Variants in CFAP54 observed in about 807,000 individuals in gnomAD.
CFAP54 encodes cilia- and flagella-associated protein 54.
Under a neutral mutation model 370.4 loss-of-function variants are expected in CFAP54, and 290 were observed. The observed-to-expected ratio is 0.78, with a 90% CI of 0.71 to 0.86. The LOEUF (loss-of-function observed/expected upper bound fraction) is 0.86. Among genes scored for constraint, CFAP54 ranks in the 40% least tolerant of loss-of-function variants. The pLI is 0.00. For synonymous variants in CFAP54, 1,206 were observed against 1,236.5 expected, an observed-to-expected ratio of 0.98 and a Z score of 0.52; for missense variants, 3,399 against 3,528.7, an observed-to-expected ratio of 0.96 and a Z score of 0.93.
At chr12:96,758,865 G>A (rs138212076) in intron 58 of CFAP54, among the ~76,000 whole-genome samples, 10 of 152,300 alleles carry the variant, frequency 6.6e-5, no homozygotes, top group African/African-American at 2.4e-4. Flanking sequence ...GAGCCTCCCA[G>A]GTGATGCTGA....
At chr12:96,842,267 A>G (rs935894561) in intron 66 of CFAP54, among the ~76,000 whole-genome samples, 1 of 152,218 alleles carries the variant, frequency 6.6e-6, no homozygotes, top group Admixed American at 6.5e-5. Flanking sequence ...ACATGCAGTC[A>G]CAAGAAATAA....
intron 45 of CFAP54, among the ~76,000 whole-genome samples, chr12:96,697,173 T>C (rs1244966578): frequency 6.6e-6 from 1 of 152,242 alleles, no homozygotes; most frequent in Non-Finnish European, 1.5e-5. Flanking sequence ...GTGTTTGCAG[T>C]GTTGGTCACC....
At chr12:96,795,411 G>A (rs1958751666) in intron 63 of CFAP54, among the ~76,000 whole-genome samples, 1 of 152,156 alleles carries the variant, frequency 6.6e-6, no homozygotes, top group African/African-American at 2.4e-5. Context: ...TGGGTGCAGG[G>A]TTAGGCGTGT....
intron 64 of CFAP54, among the ~76,000 whole-genome samples, chr12:96,815,609 T>C (rs1958967173): frequency 6.6e-6 from 1 of 152,212 alleles, no homozygotes; most frequent in Admixed American, 6.5e-5. Flanking sequence ...CAATTGCTTT[T>C]GGTATTTTAG....
At chr12:96,727,198 G>C (rs1957852459) in intron 50 of CFAP54, among the ~76,000 whole-genome samples, 1 of 151,992 alleles carries the variant, frequency 6.6e-6, no homozygotes, top group Non-Finnish European at 1.5e-5. Flanking sequence ...AGGTCCGCTT[G>C]GTGCAGAGCT....
At chr12:96,548,339 A>C (rs1480625418) in intron 15 of CFAP54, among the ~76,000 whole-genome samples, 2 of 152,180 alleles carry the variant, frequency 1.3e-5, no homozygotes, top group African/African-American at 4.8e-5. Flanking sequence ...TGTATAAAAG[A>C]TATTTATATA....
rs546539539 is a variant in CFAP54 at position 96,862,827 on chromosome 12, G to A, written c.*14+1875G>A. Among the ~76,000 whole-genome samples, 6 of 152,286 alleles carry A rather than the reference G, an allele frequency of 3.9e-5. No homozygotes were observed. In the South Asian group the frequency reaches 1.2e-3, roughly 32 times the overall value. ...TGGGGTTTACACGTTTCTTTGCTGA[G>A]TTGGAGATCACTTTGAAGGGTTTGC... On this transcript the variant is annotated intron_variant, in intron 67 of 67. Transcript: ENST00000524981.
chr12:96,707,151 G>T (rs948922443), intron 47 of CFAP54, among the ~76,000 whole-genome samples: 3 of 152,180 alleles, frequency 2.0e-5, no homozygotes, highest in African/African-American at 7.2e-5. Context: ...CTAAGGGAGT[G>T]TGGTGGCCTG....
At chr12:96,511,763 C>T (rs988916820) in intron 4 of CFAP54, among the ~76,000 whole-genome samples, 1 of 152,198 alleles carries the variant, frequency 6.6e-6, no homozygotes. Context: ...GGATTATAGG[C>T]GTGAGCCACG....
At chr12:96,549,466 G>A (rs1390956009) in intron 15 of CFAP54, among the ~76,000 whole-genome samples, 4 of 152,122 alleles carry the variant, frequency 2.6e-5, no homozygotes, top group Non-Finnish European at 5.9e-5. Flanking sequence ...AATAAATACA[G>A]AGAAGTCTGT....
At chr12:96,857,510 G>A (rs1414117858) in intron 66 of CFAP54, among the ~76,000 whole-genome samples, 1 of 152,172 alleles carries the variant, frequency 6.6e-6, no homozygotes, top group East Asian at 1.9e-4. Context: ...TGGCGTATAT[G>A]TACCACATTT....
chr12:96,516,983 A>C (rs150558387), intron 5 of CFAP54, among the ~76,000 whole-genome samples: 8 of 151,532 alleles, frequency 5.3e-5, no homozygotes, highest in African/African-American at 1.9e-4. Context: ...AGATATGGAT[A>C]TCATTTGACT....
intron 17 of CFAP54, 90 bp from the exon 18 acceptor site, chr12:96,564,378 G>C (rs1003550401): frequency 1.5e-4 from 79 of 536,792 alleles, no homozygotes; most frequent in Admixed American, 3.3e-4. Context: ...GGAAGCAGTA[G>C]CTTTATGAAT....
intron 32 of CFAP54, among the ~76,000 whole-genome samples, chr12:96,638,184 C>CATATATATATATATATATATATATAT (rs61605059): frequency 7.3e-6 from 1 of 137,570 alleles, no homozygotes; most frequent in African/African-American, 2.7e-5. Context: ...TTAGCTGCAT[C>CATATATATATATATATATATATATAT]ATATATATAT....
chr12:96,745,160 A>G (rs1449926999), intron 55 of CFAP54, among the ~76,000 whole-genome samples: 1 of 152,166 alleles, frequency 6.6e-6, no homozygotes. Flanking sequence ...ATGCTTGCAT[A>G]TATTTTTAGA....
At chr12:96,763,855 G>T (rs2136670294) in intron 58 of CFAP54, among the ~76,000 whole-genome samples, 1 of 152,178 alleles carries the variant, frequency 6.6e-6, no homozygotes, top group Admixed American at 6.5e-5. Flanking sequence ...AGAAAAAAAT[G>T]ATAAGAATAA....
chr12:96,636,201 A>G (rs1956662919), intron 32 of CFAP54, among the ~76,000 whole-genome samples: 1 of 152,220 alleles, frequency 6.6e-6, no homozygotes, highest in Admixed American at 6.5e-5. Flanking sequence ...TCTCTGTGCC[A>G]GAAACCAGGG....
At chr12:96,850,714 C>T (rs1190380243) in intron 66 of CFAP54, among the ~76,000 whole-genome samples, 1 of 151,618 alleles carries the variant, frequency 6.6e-6, no homozygotes, top group Non-Finnish European at 1.5e-5. Context: ...TTAATTGACT[C>T]ACAGTTCTGC....
At chr12:96,730,272 G>A (rs114439067) in intron 50 of CFAP54, among the ~76,000 whole-genome samples, 2,366 of 152,242 alleles carry the variant, frequency 0.016, 77 homozygotes, top group African/African-American at 0.055. Context: ...TGGAGCAGAG[G>A]CATACCCTGA....
Sources: allele counts gnomAD v4.1 joint callset (sites outside exome capture counted in the v4.1 genomes callset), GRCh38; gene constraint gnomAD v4.1.1; transcripts MANE v1.5; gene names NCBI Gene and HGNC (gene_info 2026-07-23, HGNC 2026-07-21).